The following EEFSEC variants were observed in gnomAD, a reference collection of about 807,000 sequenced individuals.
EEFSEC encodes the protein selenocysteine-specific elongation factor.
A neutral mutation model predicts 42.1 loss-of-function variants in EEFSEC; 43 were observed. The observed-to-expected ratio is 1.02, with a 90% confidence interval of 0.80 to 1.32. The LOEUF is 1.32. Ranked by LOEUF, EEFSEC falls within the 40% of genes most tolerant of loss-of-function variation. The pLI is 0.00. For synonymous variants in EEFSEC, 354 were observed against 339.1 expected, an observed-to-expected ratio of 1.04 and a Z score of -0.48; for missense variants, 745 against 803.6, an observed-to-expected ratio of 0.93 and a Z score of 0.88.
chr3:128,163,234 G>A (rs1285671848), intron 1 of EEFSEC, among the ~76,000 whole-genome samples: 1 of 152,032 alleles, frequency 6.6e-6, no homozygotes, highest in Non-Finnish European at 1.5e-5. Context: ...GTAGAGCCTG[G>A]CACTTCTGAG....
intron 6 of EEFSEC, among the ~76,000 whole-genome samples, chr3:128,372,959 C>T (rs568215702): frequency 6.6e-5 from 10 of 152,366 alleles, no homozygotes; most frequent in Admixed American, 6.5e-4. Context: ...TGAGTTGTTC[C>T]TGGCTTCCTT....
chr3:128,418,981 A>G, the EEFSEC span, among the ~76,000 whole-genome samples: 1 of 152,214 alleles, frequency 6.6e-6, no homozygotes, highest in Non-Finnish European at 1.5e-5. Flanking sequence ...AATGCTCTTC[A>G]TCCCCATACA....
At chr3:128,403,647 C>G (rs963255087) in intron 6 of EEFSEC, among the ~76,000 whole-genome samples, 1 of 152,164 alleles carries the variant, frequency 6.6e-6, no homozygotes, top group Non-Finnish European at 1.5e-5. Flanking sequence ...GCCCTCGTAC[C>G]GCACCACGCA....
chr3:128,191,449 G>A (rs1435136762), intron 1 of EEFSEC, among the ~76,000 whole-genome samples: 1 of 151,512 alleles, frequency 6.6e-6, no homozygotes, highest in Non-Finnish European at 1.5e-5. Flanking sequence ...CTGGCCTGGG[G>A]GTATTTTTTT....
chr3:128,167,728 A>T (rs992530138), intron 1 of EEFSEC, among the ~76,000 whole-genome samples: 5 of 152,252 alleles, frequency 3.3e-5, no homozygotes, highest in Non-Finnish European at 7.3e-5. Context: ...GCAGTTCTCA[A>T]ACATCCTTCT....
chr3:128,266,257 T>C (rs1310380936), intron 4 of EEFSEC, among the ~76,000 whole-genome samples: 1 of 152,168 alleles, frequency 6.6e-6, no homozygotes, highest in Non-Finnish European at 1.5e-5. Context: ...CCCAGCTAAG[T>C]TGACACATAA....
At chr3:128,422,645 A>G in the EEFSEC span, among the ~76,000 whole-genome samples, 100 of 152,338 alleles carry the variant, frequency 6.6e-4, no homozygotes, top group Admixed American at 1.5e-3. Context: ...CCCTTGACCA[A>G]TCATTGGACC....
rs1267968829 is a variant in EEFSEC at position 128,341,439 on chromosome 3, C to T, written c.993C>T (p.Thr331=). The change falls in exon 5 of 7, where the codon ACC becomes ACT. Residue 331 remains threonine (T), a synonymous_variant. Transcript: ENST00000254730. ...CGTATTTCCGGGGGCCCCTGCAAACCAAGGCCAAGTTCCACATTACAGTGG... is the reference window on the plus strand; with the variant it reads ...CGTATTTCCGGGGGCCCCTGCAAACTAAGGCCAAGTTCCACATTACAGTGG... The part of the protein sequence containing the change: ...KIPYFRGPLQ[T]KAKFHITVGH... 6.2e-7 allele frequency: 1 copy of T among 1,614,194 alleles called. No homozygotes were observed. The highest frequency in any genetic ancestry group is 1.3e-5 in the African/African-American group (1 of 75,050).
the EEFSEC span, among the ~76,000 whole-genome samples, chr3:128,425,917 T>C: frequency 1.6e-4 from 24 of 152,098 alleles, no homozygotes; most frequent in African/African-American, 5.5e-4. Context: ...GGGGGAAGGG[T>C]TTCCAGGCGG....
intron 1 of EEFSEC, among the ~76,000 whole-genome samples, chr3:128,216,661 G>C (rs1477076305): frequency 6.6e-6 from 1 of 152,238 alleles, no homozygotes; most frequent in Admixed American, 6.5e-5. Flanking sequence ...TCAGTGCCCA[G>C]CTCACTGGCC....
chr3:128,341,193 C>T (rs779647781), intron 4 of EEFSEC, 40 bp from the exon 5 acceptor site: 2 of 1,559,436 alleles, frequency 1.3e-6, no homozygotes, highest in Admixed American at 1.8e-5. Context: ...AGCCCCGAGG[C>T]TTGTTGGTTT....
intron 6 of EEFSEC, among the ~76,000 whole-genome samples, chr3:128,401,413 C>T (rs977811975): frequency 1.3e-5 from 2 of 152,226 alleles, no homozygotes; most frequent in African/African-American, 2.4e-5. Flanking sequence ...TGCCCCCTCA[C>T]AGGCCACTGG....
intron 6 of EEFSEC, among the ~76,000 whole-genome samples, chr3:128,374,342 T>C (rs1243330624): frequency 6.6e-6 from 1 of 152,238 alleles, no homozygotes; most frequent in Non-Finnish European, 1.5e-5. Flanking sequence ...GGACCGTGCT[T>C]ACCTCACCAT....
At chr3:128,188,124 T>C (rs1283795147) in intron 1 of EEFSEC, among the ~76,000 whole-genome samples, 1 of 151,864 alleles carries the variant, frequency 6.6e-6, no homozygotes, top group Non-Finnish European at 1.5e-5. Context: ...CAGGAGACCA[T>C]TTTGGAGGGC....
chr3:128,326,472 C>T (rs1323251125), intron 4 of EEFSEC, among the ~76,000 whole-genome samples: 1 of 152,258 alleles, frequency 6.6e-6, no homozygotes, highest in East Asian at 1.9e-4. Context: ...AGGAGCACCT[C>T]GATTTTCTCA....
chr3:128,355,124 C>T (rs916917985), intron 5 of EEFSEC, among the ~76,000 whole-genome samples: 1 of 152,206 alleles, frequency 6.6e-6, no homozygotes, highest in African/African-American at 2.4e-5. Flanking sequence ...CCTCCTCACA[C>T]TCAGTGAGCG....
intron 4 of EEFSEC, 40 bp from the exon 5 acceptor site, chr3:128,341,193 C>A: frequency 6.4e-7 from 1 of 1,559,434 alleles, no homozygotes; most frequent in Non-Finnish European, 8.7e-7. Context: ...AGCCCCGAGG[C>A]TTGTTGGTTT....
intron 1 of EEFSEC, among the ~76,000 whole-genome samples, chr3:128,174,632 G>A (rs560433449): frequency 1.3e-5 from 2 of 152,316 alleles, no homozygotes; most frequent in East Asian, 1.9e-4. Flanking sequence ...TACTGTGGAC[G>A]TGTAGCTTTT....
intron 4 of EEFSEC, among the ~76,000 whole-genome samples, chr3:128,334,277 T>C (rs1243210632): frequency 6.6e-6 from 1 of 152,252 alleles, no homozygotes; most frequent in Non-Finnish European, 1.5e-5. Context: ...AGGAGTCCCC[T>C]GTCTTGAGTC....
Sources: allele counts gnomAD v4.1 joint callset (sites outside exome capture counted in the v4.1 genomes callset), GRCh38; gene constraint gnomAD v4.1.1; transcripts MANE v1.5; gene names NCBI Gene and HGNC (gene_info 2026-07-23, HGNC 2026-07-21).